Variants in ZNF3 observed in about 807,000 individuals in gnomAD.
ZNF3 encodes the protein zinc finger protein 3.
ZNF3 carries 16 observed loss-of-function variants against 36.9 expected under a neutral mutation model. That is an observed-to-expected ratio of 0.43 (90% CI 0.29 to 0.66). The LOEUF is 0.66. Ranked by LOEUF, ZNF3 falls within the 30% of genes least tolerant of loss-of-function variation. ZNF3 has a pLI of 0.13. For synonymous variants in ZNF3, 201 were observed against 201.9 expected (o/e 1.00, Z 0.04); for missense variants, 462 against 543.1 (o/e 0.85, Z 1.48).
chr7:100,071,027 C>T lies in ZNF3; in HGVS notation c.*116G>A. ...AACGATTTGCCCCATCTGCCCCATT[C>T]TCTAAAATGAAAAGTCTGAGTTGAA... On this transcript the variant is annotated 3_prime_UTR_variant, in exon 6 of 6. Coordinates refer to ENST00000299667, the MANE Select transcript of ZNF3 (RefSeq NM_032924.5). The T allele has an allele frequency of 6.7e-7, 1 of 1,494,058 alleles. No homozygotes were observed. Among genetic ancestry groups the T allele is most frequent in the Non-Finnish European group, 8.9e-7 (1 of 1,125,134 alleles). The allele number at this position is 1,494,058 out of a possible 1,614,324, so 92.6% of individuals were successfully genotyped here.
chr7:100,067,549 T>C (rs1201245555), downstream of ZNF3, among the ~76,000 whole-genome samples: 2 of 152,100 alleles, frequency 1.3e-5, no homozygotes, highest in African/African-American at 4.8e-5. Context: ...GGACTACAGA[T>C]GTGTGCCACC....
intron 4 of ZNF3, 120 bp downstream of exon 4, chr7:100,075,422 T>C: frequency 6.7e-7 from 1 of 1,493,996 alleles, no homozygotes; most frequent in Non-Finnish European, 9.3e-7. Context: ...AAGGTGAGGG[T>C]CCATGATTCA....
At position 100,064,641 on chromosome 7, in the gene ZNF3, CGTT is replaced by C. The variant is rs758340873; in HGVS notation, c.*144_*146del. On this transcript the variant is annotated 3_prime_UTR_variant, in exon 6 of 6. Transcript: ENST00000413658. ...AACTTTCAAGCGCTCCTGTTGTTGT[CGTT>C]GTTTTAAACTTTAGAATCTGAAAAC... The C allele has an allele frequency of 1.1e-4, 180 of 1,604,530 alleles. No homozygotes were observed. In the African/African-American group the frequency reaches 1.4e-3, roughly 13 times the overall value.
rs1301346981 is a variant in ZNF3, at chr7:100,070,695, TGGACTA to T, written c.*442_*447del. 3 of 993,986 alleles carry T rather than the reference TGGACTA, an allele frequency of 3.0e-6. No individual in the cohort carries two copies. Among genetic ancestry groups the T allele is most frequent in the Non-Finnish European group, 1.2e-6 (1 of 835,014 alleles). 61.6% of individuals were successfully genotyped at this position (993,986 alleles called of 1,614,324 possible). Reference sequence around the variant, plus strand: ...CATGTTTCTTACCGAAACTTAAAGCTGGACTAGGAACAGTAGCTTTGAAATAGTCTC... The same window carrying T: ...CATGTTTCTTACCGAAACTTAAAGCTGGAACAGTAGCTTTGAAATAGTCTC... On this transcript the variant is annotated 3_prime_UTR_variant, in exon 6 of 6. Transcript: ENST00000299667.
downstream of ZNF3, among the ~76,000 whole-genome samples, chr7:100,069,107 T>C (rs749024882): frequency 3.3e-5 from 5 of 152,046 alleles, no homozygotes; most frequent in Non-Finnish European, 7.4e-5. Context: ...GGATTACAAC[T>C]GTGAGCCACT....
rs1792888709 is a variant in ZNF3, at chr7:100,070,107, C to T, written c.*1036G>A. ...AGTGCCATCCTCACCCAGCAACGAG[C>T]TCTGCTACCAGGCTCAGGCACAGCC... On this transcript the variant is annotated 3_prime_UTR_variant, in exon 6 of 6. Coordinates refer to ENST00000299667, the MANE Select transcript of ZNF3 (RefSeq NM_032924.5). 1 of 985,590 alleles carries T rather than the reference C, an allele frequency of 1.0e-6. No individual in the cohort carries two copies. The highest frequency in any genetic ancestry group is 4.7e-5 in the South Asian group (1 of 21,286). 61.1% of individuals were successfully genotyped at this position (985,590 alleles called of 1,614,324 possible). A position where few individuals can be genotyped will look rare whatever the true frequency, so the allele number is the denominator to read the frequency against.
intron 3 of ZNF3, 96 bp from the exon 4 acceptor site, chr7:100,075,726 G>GT: frequency 2.6e-6 from 3 of 1,139,538 alleles, no homozygotes; most frequent in Non-Finnish European, 3.9e-6. Context: ...CCGGGGTCCT[G>GT]GGACAACACA....
downstream of ZNF3, among the ~76,000 whole-genome samples, chr7:100,067,037 C>CA (rs922826523): frequency 1.0e-4 from 15 of 150,192 alleles, no homozygotes; most frequent in South Asian, 8.3e-4. Flanking sequence ...GATTCCATCT[C>CA]AAAAAAAAAT....
downstream of ZNF3, chr7:100,063,914 A>G: frequency 6.2e-7 from 1 of 1,614,188 alleles, no homozygotes; most frequent in East Asian, 2.2e-5. Flanking sequence ...TTAGAGAGGC[A>G]GTGCGTAAAC....
chr7:100,076,866 G>T (rs982550234), intron 3 of ZNF3, among the ~76,000 whole-genome samples: 2 of 152,118 alleles, frequency 1.3e-5, no homozygotes, highest in East Asian at 3.9e-4. Flanking sequence ...TGGGCACTGA[G>T]GTCAGGAGTT....
chr7:100,067,186 C>T (rs932661490), downstream of ZNF3, among the ~76,000 whole-genome samples: 1 of 152,204 alleles, frequency 6.6e-6, no homozygotes, highest in African/African-American at 2.4e-5. Context: ...GTGGCAGAAT[C>T]TCCTACTATT....
At chr7:100,074,316 G>A (rs1232018883) in intron 5 of ZNF3, among the ~76,000 whole-genome samples, 1 of 152,146 alleles carries the variant, frequency 6.6e-6, no homozygotes, top group Non-Finnish European at 1.5e-5. Context: ...TGTCACCCAG[G>A]CTGGACTGCA....
intron 1 of ZNF3, among the ~76,000 whole-genome samples, chr7:100,080,680 G>A (rs1309417130): frequency 6.6e-6 from 1 of 152,202 alleles, no homozygotes; most frequent in Non-Finnish European, 1.5e-5. Context: ...GGAGGTGGTG[G>A]CGGGCGCCTG....
chr7:100,075,609 G>C lies in ZNF3; in HGVS notation c.77C>G (p.Ala26Gly), dbSNP rs1793965289. 6.2e-7 allele frequency: 1 copy of C among 1,614,024 alleles called. No homozygotes were observed. The highest frequency in any genetic ancestry group is 8.5e-7 in the Non-Finnish European group (1 of 1,180,018). ...CCCCAGGCTGTCCTTGTCGGAAAAG[G>C]CAGGAACTTTTGAAGGAAGAGCTGA... is the stretch of plus-strand genomic sequence containing the variant. ...LDSALPSKVP[A>G]FSDKDSLGDE... Residue 26 changes from alanine to glycine, a missense_variant, in exon 4 of 6, where the codon GCC becomes GGC. Transcript: ENST00000299667.
chr7:100,076,418 G>A (rs2116397145), intron 3 of ZNF3, among the ~76,000 whole-genome samples: 1 of 151,990 alleles, frequency 6.6e-6, no homozygotes, highest in South Asian at 2.1e-4. Flanking sequence ...TCAGCCTCTG[G>A]AGGAGCTGGG....
chr7:100,077,257 T>C, intron 3 of ZNF3, 46 bp downstream of exon 3: 3 of 1,612,714 alleles, frequency 1.9e-6, no homozygotes, highest in Non-Finnish European at 1.7e-6. Flanking sequence ...CAATGGATGA[T>C]TGCAGAATGA....
chr7:100,064,835 G>T, exon 6 of ZNF3: 1 of 1,614,190 alleles, frequency 6.2e-7, no homozygotes, highest in Non-Finnish European at 8.5e-7. Flanking sequence ...CTGGAGCAGA[G>T]TCCCTTCGCC....
rs184943286 is a variant in ZNF3, at chr7:100,076,611, C to G, written c.55+692G>C. Among the ~76,000 whole-genome samples the G allele has an allele frequency of 6.6e-4, 101 of 152,208 alleles. 1 individual carries two copies. In the Middle Eastern group the frequency reaches 0.014, roughly 21 times the overall value. On this transcript the variant is annotated intron_variant, in intron 3 of 5. Coordinates refer to ENST00000299667, the MANE Select transcript of ZNF3 (RefSeq NM_032924.5). ...TCGGCCGCAAAGTATACTTTAGTGGCTTCCTATTCACTCTGTCTTTTTGTC... is the reference window on the plus strand; with the variant it reads ...TCGGCCGCAAAGTATACTTTAGTGGGTTCCTATTCACTCTGTCTTTTTGTC...
chr7:100,068,534 G>A (rs574864683), downstream of ZNF3, among the ~76,000 whole-genome samples: 2 of 151,644 alleles, frequency 1.3e-5, no homozygotes, highest in Non-Finnish European at 2.9e-5. Flanking sequence ...TTAGCTGGGC[G>A]TGGTGGTGGG....
Sources: allele counts gnomAD v4.1 joint callset (sites outside exome capture counted in the v4.1 genomes callset), GRCh38; gene constraint gnomAD v4.1.1; transcripts MANE v1.5; gene names NCBI Gene and HGNC (gene_info 2026-07-23, HGNC 2026-07-21).